The following ASIC2 variants were observed in gnomAD, a reference collection of about 807,000 sequenced individuals.
ASIC2 encodes acid sensing ion channel subunit 2.
A neutral mutation model predicts 57.3 loss-of-function variants in ASIC2; 25 were observed. The observed-to-expected ratio is 0.44, with a 90% CI of 0.32 to 0.61. The LOEUF is 0.61. ASIC2 is among the 20% of genes least tolerant of loss of function. ASIC2 has a pLI of 0.06. For missense variants in ASIC2, 641 were observed against 738.1 expected, an observed-to-expected ratio of 0.87 and a Z score of 1.52; for synonymous variants, 319 against 307.5, an observed-to-expected ratio of 1.04 and a Z score of -0.39.
At chr17:33,800,241 G>A (rs187449608) in intron 1 of ASIC2, among the ~76,000 whole-genome samples, 5 of 152,240 alleles carry the variant, frequency 3.3e-5, no homozygotes, top group East Asian at 1.9e-4. Context: ...GTCTGCTTCC[G>A]ATTTCCTAAA....
At chr17:33,051,774 A>G (rs1598254087) in intron 3 of ASIC2, among the ~76,000 whole-genome samples, 1 of 152,230 alleles carries the variant, frequency 6.6e-6, no homozygotes, top group East Asian at 1.9e-4. Context: ...GGCAGTCAAT[A>G]TAGCAGAGAT....
At chr17:34,011,101 A>G (rs1417818889) in intron 1 of ASIC2, among the ~76,000 whole-genome samples, 1 of 151,908 alleles carries the variant, frequency 6.6e-6, no homozygotes, top group Admixed American at 6.6e-5. Context: ...ACACACACAG[A>G]CACACACAGA....
intron 1 of ASIC2, among the ~76,000 whole-genome samples, chr17:33,968,385 A>C (rs1905132720): frequency 6.6e-6 from 1 of 152,140 alleles, no homozygotes; most frequent in Non-Finnish European, 1.5e-5. Flanking sequence ...GTGTTCTGAG[A>C]CCTGAAGCTT....
chr17:33,098,942 C>T (rs2092197066), intron 2 of ASIC2, among the ~76,000 whole-genome samples: 1 of 146,188 alleles, frequency 6.8e-6, no homozygotes, highest in African/African-American at 2.5e-5. Flanking sequence ...TATATATACA[C>T]AAAATATATA....
rs11394863 is a variant in ASIC2 at position 34,021,837 on chromosome 17, G to GTT, written c.555+134139_555+134140dup. ...TGTTGTTGGTTTTGTGTTTTGTTTT[G>GTT]TTTTTTTTTTTTTTTTTTGAGACAG... On this transcript the variant is annotated intron_variant, in intron 1 of 9. Transcript: ENST00000359872. Among the ~76,000 whole-genome samples the GTT allele has an allele frequency of 3.7e-3, 432 of 118,278 alleles. 10 individuals are homozygous for GTT. The highest frequency in any genetic ancestry group is 9.5e-3 in the Middle Eastern group (2 of 210). 77.6% of individuals were successfully genotyped at this position (118,278 alleles called of 152,430 possible). A position where few individuals can be genotyped will look rare whatever the true frequency, so the allele number is the denominator to read the frequency against.
intron 1 of ASIC2, among the ~76,000 whole-genome samples, chr17:33,124,959 TAGGGTTCAC>T (rs1218020012): frequency 0.037 from 1,123 of 30,048 alleles, 12 homozygotes; most frequent in African/African-American, 0.15. Context: ...CAGTTCACAA[TAGGGTTCAC>T]GCTCCTGTGA....
chr17:33,881,953 C>T (rs1324353514), intron 1 of ASIC2, among the ~76,000 whole-genome samples: 1 of 152,112 alleles, frequency 6.6e-6, no homozygotes, highest in African/African-American at 2.4e-5. Flanking sequence ...AGAAATAATA[C>T]CCCACATCTA....
intron 1 of ASIC2, among the ~76,000 whole-genome samples, chr17:33,414,390 T>C (rs1001464911): frequency 6.6e-5 from 10 of 152,076 alleles, no homozygotes; most frequent in African/African-American, 2.4e-4. Flanking sequence ...GGCAGGTTGG[T>C]AATGCCCATT....
intron 1 of ASIC2, among the ~76,000 whole-genome samples, chr17:33,718,334 A>C (rs1909286205): frequency 6.6e-6 from 1 of 152,194 alleles, no homozygotes; most frequent in African/African-American, 2.4e-5. Context: ...CCGTGGATAC[A>C]GAGGCTGACT....
At chr17:33,364,532 G>A (rs560168957) in intron 1 of ASIC2, among the ~76,000 whole-genome samples, 6 of 152,236 alleles carry the variant, frequency 3.9e-5, no homozygotes, top group Non-Finnish European at 5.9e-5. Context: ...TGCTGTTCTC[G>A]TGATAGTGAG....
chr17:33,335,685 A>C (rs1275823136), intron 1 of ASIC2, among the ~76,000 whole-genome samples: 1 of 152,222 alleles, frequency 6.6e-6, no homozygotes, highest in Non-Finnish European at 1.5e-5. Context: ...AGTGGATGGC[A>C]GAAGCAGGTC....
intron 1 of ASIC2, among the ~76,000 whole-genome samples, chr17:33,428,957 A>C (rs1911309142): frequency 6.6e-6 from 1 of 152,140 alleles, no homozygotes; most frequent in South Asian, 2.1e-4. Flanking sequence ...GTACTCCCTC[A>C]TGTTATCATC....
intron 1 of ASIC2, among the ~76,000 whole-genome samples, chr17:33,934,504 C>A: frequency 6.6e-6 from 1 of 152,154 alleles, no homozygotes; most frequent in South Asian, 2.1e-4. Context: ...TAAAACCCAG[C>A]AGGATCCAGG....
intron 1 of ASIC2, among the ~76,000 whole-genome samples, chr17:33,399,279 C>T (rs1300934514): frequency 6.6e-6 from 1 of 152,144 alleles, no homozygotes; most frequent in African/African-American, 2.4e-5. Context: ...GGAATATGTT[C>T]ACTTCAAACA....
intron 1 of ASIC2, among the ~76,000 whole-genome samples, chr17:33,799,475 TTTCC>T (rs1567719219): frequency 6.3e-5 from 9 of 142,312 alleles, no homozygotes; most frequent in African/African-American, 2.4e-4. Flanking sequence ...TCTTTCTTTC[TTTCC>T]TTCTTTCTTT....
intron 1 of ASIC2, among the ~76,000 whole-genome samples, chr17:33,790,841 T>A (rs1296000324): frequency 1.3e-5 from 2 of 152,182 alleles, no homozygotes; most frequent in African/African-American, 4.8e-5. Flanking sequence ...TGAGAATTTA[T>A]CATGTACCAG....
chr17:33,218,870 G>T (rs544002411), intron 1 of ASIC2, among the ~76,000 whole-genome samples: 2 of 152,128 alleles, frequency 1.3e-5, no homozygotes, highest in Non-Finnish European at 2.9e-5. Flanking sequence ...ATAACAGGGC[G>T]GGGGGGCTAC....
intron 1 of ASIC2, among the ~76,000 whole-genome samples, chr17:33,798,405 A>G (rs1911982601): frequency 6.6e-6 from 1 of 152,178 alleles, no homozygotes; most frequent in Non-Finnish European, 1.5e-5. Context: ...GTGTCAAAAT[A>G]TTCAGTGGTG....
At chr17:33,604,859 A>G (rs1358674129) in intron 1 of ASIC2, among the ~76,000 whole-genome samples, 1 of 152,148 alleles carries the variant, frequency 6.6e-6, no homozygotes. Flanking sequence ...TCTTTCCCTG[A>G]GTGGTATAAT....
Sources: gnomAD v4.1 joint callset for allele counts (sites outside exome capture counted in the v4.1 genomes callset) on GRCh38, gnomAD v4.1.1 for gene constraint, MANE v1.5 for transcripts, NCBI Gene and HGNC (gene_info 2026-07-23, HGNC 2026-07-21) for gene names.